Variants in NEK6 observed in about 807,000 individuals in gnomAD.
The protein encoded by NEK6 is NIMA related kinase 6, also known as serine/threonine-protein kinase Nek6.
In NEK6, 27 loss-of-function variants were observed where a neutral mutation model predicts 43.5. The ratio of observed to expected loss-of-function variants is 0.62; its 90% confidence interval spans 0.46 to 0.86. The LOEUF is 0.86. Ranked by LOEUF, NEK6 falls within the 40% of genes least tolerant of loss-of-function variation. The probability of loss-of-function intolerance (pLI) is 0.00; values close to 1 mark genes in which losing one functional copy is unlikely to be tolerated. For synonymous variants in NEK6, 167 were observed against 164.1 expected, an observed-to-expected ratio of 1.02 and a Z score of -0.14; for missense variants, 318 against 414.4, an observed-to-expected ratio of 0.77 and a Z score of 2.02.
chr9:124,331,091 C>T (rs1042381711), intron 7 of NEK6, among the ~76,000 whole-genome samples: 14 of 151,842 alleles, frequency 9.2e-5, no homozygotes, highest in African/African-American at 2.4e-5. Flanking sequence ...GGTGAAACCT[C>T]GTCGCTACTA....
intron 1 of NEK6, among the ~76,000 whole-genome samples, chr9:124,266,842 T>C (rs1355314849): frequency 1.3e-5 from 2 of 152,248 alleles, no homozygotes; most frequent in African/African-American, 4.8e-5. Flanking sequence ...TGCAGGGCTG[T>C]ATTGAGCTGA....
At chr9:124,311,720 G>T (rs557900120) in intron 2 of NEK6, among the ~76,000 whole-genome samples, 1 of 152,300 alleles carries the variant, frequency 6.6e-6, no homozygotes, top group African/African-American at 2.4e-5. Context: ...GGGGGACAGA[G>T]TCTCCATCAC....
At position 124,351,654 on chromosome 9, in the gene NEK6, T is replaced by C. The variant is rs1588561129; in HGVS notation, c.*707T>C. 1 of 152,188 alleles carries C rather than the reference T, an allele frequency of 6.6e-6. No individual in the cohort carries two copies. The highest frequency in any genetic ancestry group is 2.1e-4 in the South Asian group (1 of 4,830). The allele number at this position is 152,188 out of a possible 1,614,324, so 9.4% of individuals were successfully genotyped here. A position where few individuals can be genotyped will look rare whatever the true frequency, so the allele number is the denominator to read the frequency against. On this transcript the variant is annotated 3_prime_UTR_variant, in exon 10 of 10. Coordinates refer to ENST00000320246, the MANE Select transcript of NEK6 (RefSeq NM_014397.6). ...TCGTCACCTCCTTGAATGCTGGCGG[T>C]TCATTTCATGATCAGTGTTAAGCAT...
chr9:124,283,193 G>T (rs1377690383), intron 1 of NEK6, among the ~76,000 whole-genome samples: 1 of 152,268 alleles, frequency 6.6e-6, no homozygotes, highest in Non-Finnish European at 1.5e-5. Context: ...GAAGGCTGGG[G>T]ATGACAAGGC....
intron 9 of NEK6, among the ~76,000 whole-genome samples, chr9:124,350,507 C>G (rs1042691657): frequency 5.2e-4 from 20 of 38,218 alleles, no homozygotes; most frequent in African/African-American, 2.7e-3. Flanking sequence ...AGCAGACACA[C>G]ACACACACAC....
At chr9:124,290,487 G>A (rs765239537) in intron 1 of NEK6, among the ~76,000 whole-genome samples, 2 of 152,258 alleles carry the variant, frequency 1.3e-5, no homozygotes, top group Non-Finnish European at 1.5e-5. Context: ...TCACTCACGC[G>A]TCCTCCAGGG....
chr9:124,269,606 G>A (rs1387709412), intron 1 of NEK6, among the ~76,000 whole-genome samples: 2 of 151,976 alleles, frequency 1.3e-5, no homozygotes, highest in East Asian at 1.9e-4. Context: ...CGAGTGATCC[G>A]CCTGCCTCGG....
In NEK6 at chr9:124,258,016, C is replaced by G. The variant is rs11556891; in HGVS notation, c.-99C>G. On this transcript the variant is annotated 5_prime_UTR_variant, in exon 1 of 10. Transcript: ENST00000320246. ...CGCTGCGCCGCAAACTCGTGTGGGA[C>G]GCACCGCTCCAGCCGCCCGCGGGCC... The G allele has an allele frequency of 0.13, 125,267 of 978,562 alleles. 8,744 individuals are homozygous for G. The highest frequency in any genetic ancestry group is 0.43 in the East Asian group (3,702 of 8,584). 60.6% of individuals were successfully genotyped at this position (978,562 alleles called of 1,614,324 possible).
chr9:124,264,838 A>T (rs902923593), intron 1 of NEK6, among the ~76,000 whole-genome samples: 1 of 143,922 alleles, frequency 6.9e-6, no homozygotes, highest in African/African-American at 2.6e-5. Flanking sequence ...AAAAAAAAAA[A>T]AGAGTTCTGC....
At chr9:124,317,328 C>G (rs1293318660) in intron 4 of NEK6, among the ~76,000 whole-genome samples, 1 of 152,192 alleles carries the variant, frequency 6.6e-6, no homozygotes, top group African/African-American at 2.4e-5. Context: ...TCTCGGCTCA[C>G]TACAACCTCC....
intron 1 of NEK6, among the ~76,000 whole-genome samples, chr9:124,271,938 C>T (rs1278472375): frequency 1.3e-5 from 2 of 152,256 alleles, no homozygotes; most frequent in Non-Finnish European, 2.9e-5. Flanking sequence ...GTTAGGCACA[C>T]CTGGCCGTGA....
chr9:124,299,833 A>G (rs1832865198), intron 1 of NEK6, among the ~76,000 whole-genome samples: 1 of 151,986 alleles, frequency 6.6e-6, no homozygotes, highest in Non-Finnish European at 1.5e-5. Flanking sequence ...CTGTGGGTCA[A>G]AGTTGGTTGA....
chr9:124,301,962 A>G lies in NEK6; in HGVS notation c.-3A>G. ...TCGTGCCCTCGTGAGGCTGGCATGC[A>G]GGATGGCAGGACAGCCCGGCCACAT... On this transcript the variant is annotated 5_prime_UTR_variant, in exon 2 of 10. Transcript: ENST00000320246. 1 of 1,596,302 alleles carries G rather than the reference A, an allele frequency of 6.3e-7. No homozygotes were observed. The highest frequency in any genetic ancestry group is 1.1e-5 in the South Asian group (1 of 88,000).
intron 1 of NEK6, among the ~76,000 whole-genome samples, chr9:124,273,001 G>A (rs1051164988): frequency 3.9e-5 from 6 of 152,208 alleles, no homozygotes; most frequent in Non-Finnish European, 4.4e-5. Context: ...CGGCCCATGT[G>A]TCAGGGCTGT....
At chr9:124,268,584 G>GCT (rs949344116) in intron 1 of NEK6, among the ~76,000 whole-genome samples, 17 of 152,112 alleles carry the variant, frequency 1.1e-4, no homozygotes, top group East Asian at 3.9e-4. Context: ...TTTAGTCCTG[G>GCT]CTCTCTCTCT....
At chr9:124,347,868 C>A in intron 9 of NEK6, 46 bp downstream of exon 9, 1 of 1,252,620 alleles carries the variant, frequency 8.0e-7, no homozygotes, top group Non-Finnish European at 1.2e-6. Context: ...AGGAGGCCAC[C>A]GAGGCTTATG....
intron 1 of NEK6, among the ~76,000 whole-genome samples, chr9:124,291,220 G>C (rs1832404012): frequency 6.6e-6 from 1 of 152,222 alleles, no homozygotes; most frequent in Non-Finnish European, 1.5e-5. Flanking sequence ...CTGGGACGTG[G>C]CTAAGCCAGA....
At chr9:124,268,371 TG>T (rs1831305026) in intron 1 of NEK6, among the ~76,000 whole-genome samples, 1 of 152,206 alleles carries the variant, frequency 6.6e-6, no homozygotes, top group Non-Finnish European at 1.5e-5. Flanking sequence ...TGCTGGGTAC[TG>T]GGGGTGGAAT....
intron 1 of NEK6, among the ~76,000 whole-genome samples, chr9:124,268,498 C>T (rs966146361): frequency 4.6e-5 from 7 of 152,212 alleles, no homozygotes; most frequent in Admixed American, 2.0e-4. Flanking sequence ...CTACTGTGTG[C>T]AGACTCATGG....
Sources: gnomAD v4.1 joint callset for allele counts (sites outside exome capture counted in the v4.1 genomes callset) on GRCh38, gnomAD v4.1.1 for gene constraint, MANE v1.5 for transcripts, NCBI Gene and HGNC (gene_info 2026-07-23, HGNC 2026-07-21) for gene names.